SDC2: variants seen among roughly 807,000 people sequenced by gnomAD.
SDC2 encodes syndecan 2, also known as syndecan-2.
In SDC2, 13 loss-of-function variants were observed where a neutral mutation model predicts 22.2. That is an observed-to-expected ratio of 0.59 (90% CI 0.38 to 0.93). The LOEUF (loss-of-function observed/expected upper bound fraction) is 0.93. SDC2 is among the 40% of genes least tolerant of loss of function. The probability of loss-of-function intolerance (pLI) is 0.00; values close to 1 mark genes in which losing one functional copy is unlikely to be tolerated. For synonymous variants in SDC2, 94 were observed against 92.8 expected (o/e 1.01, Z -0.07); for missense variants, 235 against 246.8 (o/e 0.95, Z 0.32).
chr8:96,584,601 C>T (rs1048252747), intron 1 of SDC2, among the ~76,000 whole-genome samples: 1 of 152,180 alleles, frequency 6.6e-6, no homozygotes, highest in Non-Finnish European at 1.5e-5. Context: ...TTTATTAATG[C>T]TGACCCTCTC....
At chr8:96,532,334 G>A (rs1306331362) in intron 1 of SDC2, among the ~76,000 whole-genome samples, 2 of 148,914 alleles carry the variant, frequency 1.3e-5, no homozygotes, top group African/African-American at 2.5e-5. Context: ...AATAGTCGCT[G>A]CCTAACTGAG....
chr8:96,555,270 C>T (rs1376786127), intron 1 of SDC2, among the ~76,000 whole-genome samples: 1 of 151,960 alleles, frequency 6.6e-6, no homozygotes, highest in African/African-American at 2.4e-5. Context: ...TGAATAATGC[C>T]GATTCTTTCA....
Position 96,494,323 on chromosome 8 carries a change from G to T in SDC2, c.52G>T (p.Ala18Ser). 2 of 1,543,304 alleles carry T rather than the reference G, an allele frequency of 1.3e-6. No homozygotes were observed. Among genetic ancestry groups the T allele is most frequent in the South Asian group, 2.4e-5 (2 of 84,070 alleles). Residue 18 changes from alanine to serine, a missense_variant, in exon 1 of 5, where the codon GCG becomes TCG. Ala to Ser is a moderately conservative substitution (Grantham distance 99). Transcript: ENST00000302190. ...LTLGLVACVS[A>S]ESRAELTSDK... ...CTTGGGCTTGGTGGCCTGCGTGTCG[G>T]CGGAGTCGGTGAGTGGGCCAGGCGG...
chr8:96,589,423 T>C (rs1814740792), intron 1 of SDC2, among the ~76,000 whole-genome samples: 1 of 152,094 alleles, frequency 6.6e-6, no homozygotes, highest in Non-Finnish European at 1.5e-5. Context: ...TGTTGTTTGT[T>C]TTTTGAGACA....
At chr8:96,586,672 A>G (rs535177182) in intron 1 of SDC2, 1 of 152,334 alleles carries the variant, frequency 6.6e-6, no homozygotes, top group African/African-American at 2.4e-5. Flanking sequence ...ATTACCTGAC[A>G]TCTTTATGAC....
chr8:96,599,975 A>C (rs1814949599), intron 2 of SDC2, among the ~76,000 whole-genome samples: 1 of 152,108 alleles, frequency 6.6e-6, no homozygotes. Context: ...ACCCCGTCTC[A>C]ACAACAAAAA....
Position 96,502,104 on chromosome 8 carries a change from T to G in SDC2, c.60+7773T>G, listed in dbSNP as rs367825356. Among the ~76,000 whole-genome samples, 31 of 152,302 alleles carry G rather than the reference T, an allele frequency of 2.0e-4. No homozygotes were observed. The East Asian group carries it at 4.4e-3, about 22-fold the overall frequency. On this transcript the variant is annotated intron_variant, in intron 1 of 4. Transcript: ENST00000302190. ...GACTAGGTAATTTATAAAGGAAAGA[T>G]GTTTGATGGACTCACAGTTCCACAT...
chr8:96,543,360 A>C (rs2130518031), intron 1 of SDC2, among the ~76,000 whole-genome samples: 1 of 152,316 alleles, frequency 6.6e-6, no homozygotes, highest in African/African-American at 2.4e-5. Context: ...AACTTAGATA[A>C]TGGTGTAATG....
intron 1 of SDC2, among the ~76,000 whole-genome samples, chr8:96,540,784 G>A (rs766732373): frequency 7.9e-5 from 12 of 152,196 alleles, no homozygotes; most frequent in Non-Finnish European, 1.3e-4. Flanking sequence ...TTACCACAGC[G>A]TTGAAAGTGA....
chr8:96,518,486 A>C (rs561915564), intron 1 of SDC2, among the ~76,000 whole-genome samples: 1 of 150,970 alleles, frequency 6.6e-6, no homozygotes, highest in Non-Finnish European at 1.5e-5. Flanking sequence ...TCAGCCTCCC[A>C]AGTAGCTGGG....
chr8:96,554,399 T>G (rs992087537), intron 1 of SDC2, among the ~76,000 whole-genome samples: 29 of 152,134 alleles, frequency 1.9e-4, no homozygotes, highest in Admixed American at 1.5e-3. Flanking sequence ...TATTATATCT[T>G]TGGGCACATG....
At chr8:96,495,511 G>A (rs1813059304) in intron 1 of SDC2, among the ~76,000 whole-genome samples, 1 of 152,156 alleles carries the variant, frequency 6.6e-6, no homozygotes, top group Non-Finnish European at 1.5e-5. Context: ...TGCCCTCTGG[G>A]GTCTCAGGGA....
Position 96,601,640 on chromosome 8 carries a change from C to CAAA in SDC2, c.173-738_173-736dup, listed in dbSNP as rs749025894. Among the ~76,000 whole-genome samples, 212 of 66,612 alleles carry CAAA rather than the reference C, an allele frequency of 3.2e-3. 2 individuals are homozygous for CAAA. Among genetic ancestry groups the CAAA allele is most frequent in the South Asian group, 0.021 (42 of 2,026 alleles). The allele number at this position is 66,612 out of a possible 152,430, so 43.7% of individuals were successfully genotyped here. Reference sequence around the variant, plus strand: ...TGGTGACAGGGCAAGACTCCATCTCCAAAAAAAAAAAAAAAAAAAGAAACA... The same window carrying CAAA: ...TGGTGACAGGGCAAGACTCCATCTCCAAAAAAAAAAAAAAAAAAAAAAGAAACA... On this transcript the variant is annotated intron_variant, in intron 2 of 4. Coordinates refer to ENST00000302190, the MANE Select transcript of SDC2 (RefSeq NM_002998.4).
intron 1 of SDC2, among the ~76,000 whole-genome samples, chr8:96,542,985 G>T (rs1396863120): frequency 6.6e-6 from 1 of 152,174 alleles, no homozygotes; most frequent in African/African-American, 2.4e-5. Context: ...GGAGAAAGAG[G>T]GAGGGGAACT....
At chr8:96,521,412 G>A (rs1327236642) in intron 1 of SDC2, among the ~76,000 whole-genome samples, 3 of 152,160 alleles carry the variant, frequency 2.0e-5, no homozygotes, top group South Asian at 2.1e-4. Context: ...CGGATCTAGG[G>A]AGACTGCTCT....
intron 1 of SDC2, among the ~76,000 whole-genome samples, chr8:96,564,480 T>C (rs988237372): frequency 2.0e-5 from 3 of 152,238 alleles, no homozygotes; most frequent in Non-Finnish European, 4.4e-5. Context: ...ACTTGCATTT[T>C]GCTGGTGTAG....
At chr8:96,588,826 C>G (rs1000944690) in intron 1 of SDC2, among the ~76,000 whole-genome samples, 3 of 152,210 alleles carry the variant, frequency 2.0e-5, no homozygotes, top group African/African-American at 7.2e-5. Context: ...TGTGCAGGAC[C>G]TCTGCTTAGT....
intron 1 of SDC2, among the ~76,000 whole-genome samples, chr8:96,566,909 A>AT (rs1359001061): frequency 6.6e-6 from 1 of 152,144 alleles, no homozygotes; most frequent in Non-Finnish European, 1.5e-5. Flanking sequence ...GCTGGAGTGC[A>AT]TTGGCATGAT....
chr8:96,498,422 G>A (rs1237443457), intron 1 of SDC2, among the ~76,000 whole-genome samples: 1 of 151,960 alleles, frequency 6.6e-6, no homozygotes, highest in African/African-American at 2.4e-5. Context: ...GCTCAGCACT[G>A]CAAAGAAGTC....
Sources: gnomAD v4.1 joint callset for allele counts (sites outside exome capture counted in the v4.1 genomes callset) on GRCh38, gnomAD v4.1.1 for gene constraint, MANE v1.5 for transcripts, NCBI Gene and HGNC (gene_info 2026-07-23, HGNC 2026-07-21) for gene names.